The following TIAM1 variants were observed in gnomAD, a reference collection of about 807,000 sequenced individuals.
TIAM1 encodes rho guanine nucleotide exchange factor TIAM1.
In TIAM1, 65 loss-of-function variants were observed where a neutral mutation model predicts 163.5. That is an observed-to-expected ratio of 0.40 (90% CI 0.33 to 0.49). The LOEUF (loss-of-function observed/expected upper bound fraction) is 0.49, where lower values mean the gene tolerates loss of function less well. Ranked by LOEUF, TIAM1 falls within the 20% of genes least tolerant of loss-of-function variation. TIAM1 has a pLI of 0.77. For synonymous variants in TIAM1, 833 were observed against 810.1 expected (o/e 1.03, Z -0.48); for missense variants, 1,789 against 2,044.7 (o/e 0.87, Z 2.41).
intron 3 of TIAM1, among the ~76,000 whole-genome samples, chr21:31,270,574 T>A (rs2073011222): frequency 6.6e-6 from 1 of 152,206 alleles, no homozygotes; most frequent in Non-Finnish European, 1.5e-5. Flanking sequence ...TATTCAAACC[T>A]CAAGTCTGGC....
At chr21:31,267,622 A>G (rs1178646523) in intron 3 of TIAM1, among the ~76,000 whole-genome samples, 2 of 151,186 alleles carry the variant, frequency 1.3e-5, no homozygotes, top group East Asian at 3.9e-4. Context: ...CTAGTAAATC[A>G]AAGTCAAAAA....
At chr21:31,346,783 C>G (rs1320238726), upstream of TIAM1, among the ~76,000 whole-genome samples, 1 of 152,102 alleles carries the variant, frequency 6.6e-6, no homozygotes, top group Non-Finnish European at 1.5e-5. Flanking sequence ...ACCATGAAGT[C>G]AGTGGTCAGA....
At chr21:31,236,298 C>T (rs946709395) in intron 6 of TIAM1, among the ~76,000 whole-genome samples, 2 of 152,152 alleles carry the variant, frequency 1.3e-5, no homozygotes, top group Admixed American at 1.3e-4. Context: ...GCCTGGGGCT[C>T]CACATATCCT....
At chr21:31,150,699 A>C (rs966006080) in intron 19 of TIAM1, among the ~76,000 whole-genome samples, 1 of 152,182 alleles carries the variant, frequency 6.6e-6, no homozygotes, top group African/African-American at 2.4e-5. Flanking sequence ...TAAGACACCA[A>C]AAGTGTGATT....
chr21:31,542,385 C>T (rs545286317), intron 1 of TIAM1, among the ~76,000 whole-genome samples: 1 of 151,912 alleles, frequency 6.6e-6, no homozygotes, highest in East Asian at 1.9e-4. Context: ...CGAGACCGCG[C>T]CACTGCACTC....
chr21:31,176,366 T>C (rs1014986469), intron 15 of TIAM1, among the ~76,000 whole-genome samples: 1 of 152,188 alleles, frequency 6.6e-6, no homozygotes, highest in African/African-American at 2.4e-5. Context: ...ACTATCTTTT[T>C]GTCCTAGACA....
intron 4 of TIAM1, among the ~76,000 whole-genome samples, chr21:31,253,491 T>C (rs1452547537): frequency 1.3e-5 from 2 of 152,184 alleles, no homozygotes; most frequent in South Asian, 4.2e-4. Context: ...TGTGCCCATA[T>C]CTCCACGAAC....
chr21:31,393,675 T>C (rs1309157668), intron 2 of TIAM1, among the ~76,000 whole-genome samples: 1 of 152,228 alleles, frequency 6.6e-6, no homozygotes, highest in Non-Finnish European at 1.5e-5. Context: ...TGAGGACTGC[T>C]AAATAGCCAT....
chr21:31,323,617 G>C (rs1441310934), intron 2 of TIAM1, among the ~76,000 whole-genome samples: 2 of 151,520 alleles, frequency 1.3e-5, no homozygotes, highest in African/African-American at 4.9e-5. Flanking sequence ...GATCACCTGA[G>C]GTCAGGAGTT....
intron 1 of TIAM1, among the ~76,000 whole-genome samples, chr21:31,499,151 A>G (rs1029586326): frequency 4.6e-5 from 7 of 152,110 alleles, no homozygotes; most frequent in Non-Finnish European, 4.4e-5. Context: ...AGAGCTGAGG[A>G]GCTCCTAGTC....
chr21:31,241,999 G>C (rs1357837460), intron 6 of TIAM1, among the ~76,000 whole-genome samples: 1 of 152,104 alleles, frequency 6.6e-6, no homozygotes, highest in Admixed American at 6.6e-5. Context: ...AATAGAGCAA[G>C]ACCCTATCTC....
At position 31,154,277 on chromosome 21, in the gene TIAM1, C is replaced by T. The variant is rs763111872; in HGVS notation, c.3141G>A (p.Glu1047=). Residue 1047 remains glutamate, a synonymous_variant, in exon 17 of 28, where the codon GAG becomes GAA. Transcript: ENST00000541036. ...CGTAGGTGCGCTCCGTCTCCAGGAG[C>T]TCGCAGATCACCTTGCGCAGCTTAT... is the stretch of plus-strand genomic sequence containing the variant. ...DADKLRKVIC[E]LLETERTYVK... 6 of 1,614,064 alleles carry T rather than the reference C, an allele frequency of 3.7e-6. No homozygotes were observed. The highest frequency in any genetic ancestry group is 5.1e-6 in the Non-Finnish European group (6 of 1,180,002).
intron 6 of TIAM1, among the ~76,000 whole-genome samples, chr21:31,230,054 C>G (rs2088323648): frequency 6.6e-6 from 1 of 152,208 alleles, no homozygotes; most frequent in Non-Finnish European, 1.5e-5. Flanking sequence ...GCACAAACAC[C>G]TGGCAGGTGG....
At chr21:31,351,291 T>A (rs912407981) in intron 2 of TIAM1, among the ~76,000 whole-genome samples, 1 of 152,288 alleles carries the variant, frequency 6.6e-6, no homozygotes, top group African/African-American at 2.4e-5. Flanking sequence ...AATAAAACCA[T>A]GACAGCTTCA....
chr21:31,538,007 T>A (rs1250085172), intron 1 of TIAM1, among the ~76,000 whole-genome samples: 2 of 152,128 alleles, frequency 1.3e-5, no homozygotes, highest in South Asian at 2.1e-4. Flanking sequence ...ATCAAGTACA[T>A]CCTGTGCGAT....
chr21:31,271,703 A>ACCTCTCCCC (rs2073065429), intron 3 of TIAM1, among the ~76,000 whole-genome samples: 2 of 96,342 alleles, frequency 2.1e-5, no homozygotes, highest in Admixed American at 1.2e-4. Flanking sequence ...TTGAGAGGGC[A>ACCTCTCCCC]AGTGTAGAAC....
In TIAM1 at chr21:31,130,880, G is replaced by A. The variant is rs1294432916; in HGVS notation, c.3942+10C>T. 7 of 1,613,068 alleles carry A rather than the reference G, an allele frequency of 4.3e-6. No homozygotes were observed. The highest frequency in any genetic ancestry group is 5.9e-6 in the Non-Finnish European group (7 of 1,179,064). On this transcript the variant is annotated intron_variant, in intron 24 of 27. Coordinates refer to ENST00000541036, the MANE Select transcript of TIAM1 (RefSeq NM_001353694.2). ...AGTTTCAAACCATGGGGTAACATAA[G>A]ATGTCTTACAAGTTTCTTCTTCTGT... is the stretch of plus-strand genomic sequence containing the variant.
intron 11 of TIAM1, among the ~76,000 whole-genome samples, chr21:31,208,122 A>G (rs1056466618): frequency 2.0e-5 from 3 of 152,338 alleles, no homozygotes; most frequent in Middle Eastern, 3.4e-3. Context: ...CTAACTGTCA[A>G]TGACAATACT....
intron 2 of TIAM1, among the ~76,000 whole-genome samples, chr21:31,456,172 T>A (rs1047817826): frequency 1.3e-5 from 2 of 152,212 alleles, no homozygotes; most frequent in Non-Finnish European, 2.9e-5. Context: ...TTCTTATCTT[T>A]CTGTGACTGT....
Sources: allele counts gnomAD v4.1 joint callset (sites outside exome capture counted in the v4.1 genomes callset), GRCh38; gene constraint gnomAD v4.1.1; transcripts MANE v1.5; gene names NCBI Gene and HGNC (gene_info 2026-07-23, HGNC 2026-07-21).